ARL3: variants seen among roughly 807,000 people sequenced by gnomAD.
ARL3 encodes ADP-ribosylation factor-like protein 3.
ARL3 carries 9 observed loss-of-function variants against 26.0 expected under a neutral mutation model. That is an observed-to-expected ratio of 0.35 (90% confidence interval 0.21 to 0.60). The LOEUF is 0.60. Ranked by LOEUF, ARL3 falls within the 20% of genes least tolerant of loss-of-function variation. The probability of loss-of-function intolerance (pLI) is 0.78; values close to 1 mark genes in which losing one functional copy is unlikely to be tolerated. For synonymous variants in ARL3, 71 were observed against 78.4 expected (o/e 0.91, Z 0.50); for missense variants, 158 against 215.7 (o/e 0.73, Z 1.67).
chr10:102,699,615 C>G (rs2064268333), intron 2 of ARL3, 126 bp from the exon 3 acceptor site: 1 of 599,438 alleles, frequency 1.7e-6, no homozygotes, highest in African/African-American at 1.9e-5. Context: ...ACTGGTAATG[C>G]TGAAAATGAT....
chr10:102,705,296 A>G, intron 2 of ARL3, 50 bp downstream of exon 2: 1 of 1,506,312 alleles, frequency 6.6e-7, no homozygotes, highest in Non-Finnish European at 9.0e-7. Context: ...TCACATTGCT[A>G]TTATCGTCTT....
intron 2 of ARL3, among the ~76,000 whole-genome samples, chr10:102,700,551 G>A (rs1302080530): frequency 6.6e-6 from 1 of 150,686 alleles, no homozygotes; most frequent in Non-Finnish European, 1.5e-5. Flanking sequence ...TGCAACCTCC[G>A]CCTCCCAAGT....
chr10:102,694,885 A>ATT (rs1260966599), intron 3 of ARL3, among the ~76,000 whole-genome samples: 1 of 152,080 alleles, frequency 6.6e-6, no homozygotes, highest in Non-Finnish European at 1.5e-5. Flanking sequence ...CACCCGGCTA[A>ATT]TTTTTGTATT....
At chr10:102,713,426 T>C (rs1455151128) in intron 1 of ARL3, among the ~76,000 whole-genome samples, 1 of 152,210 alleles carries the variant, frequency 6.6e-6, no homozygotes, top group Non-Finnish European at 1.5e-5. Flanking sequence ...CATTTTTAAC[T>C]TCTCGTTCTT....
At chr10:102,709,857 A>G (rs1008792757) in intron 1 of ARL3, among the ~76,000 whole-genome samples, 20 of 151,796 alleles carry the variant, frequency 1.3e-4, no homozygotes, top group Admixed American at 1.3e-4. Flanking sequence ...ACATGGTGAA[A>G]CCCTGCCTCT....
chr10:102,687,357 G>GATCAGC (rs893836782), intron 4 of ARL3, among the ~76,000 whole-genome samples: 15 of 151,430 alleles, frequency 9.9e-5, no homozygotes, highest in African/African-American at 2.4e-4. Flanking sequence ...TTAGCCTCCT[G>GATCAGC]ATCAGCTAGC....
At chr10:102,690,295 CT>C (rs34924011) in intron 3 of ARL3, among the ~76,000 whole-genome samples, 33,286 of 123,400 alleles carry the variant, frequency 0.27, 3,175 homozygotes, top group East Asian at 0.42. Context: ...CACTATTTTC[CT>C]TTTTTTTTTT....
chr10:102,712,147 T>C (rs1167123057), intron 1 of ARL3, among the ~76,000 whole-genome samples: 2 of 152,176 alleles, frequency 1.3e-5, no homozygotes, highest in African/African-American at 4.8e-5. Flanking sequence ...AGGGGTAAAA[T>C]AGCTGACTCT....
chr10:102,698,200 CT>C lies in ARL3; in HGVS notation c.264+1172del, dbSNP rs917444147. On this transcript the variant is annotated intron_variant, in intron 3 of 5. Transcript: ENST00000260746. Reference sequence around the variant, plus strand: ...AGCTGTTTGAGATGCAAGATGATTTCTTTTTTTTTTTCTTGTCTTGAGACAG... The same window carrying C: ...AGCTGTTTGAGATGCAAGATGATTTCTTTTTTTTTTCTTGTCTTGAGACAG... Among the ~76,000 whole-genome samples the C allele has an allele frequency of 3.4e-4, 50 of 147,422 alleles. 1 individual carries two copies. Among genetic ancestry groups the C allele is most frequent in the Middle Eastern group, 3.5e-3 (1 of 288 alleles).
intron 4 of ARL3, among the ~76,000 whole-genome samples, chr10:102,688,213 C>T (rs1393586033): frequency 6.6e-6 from 1 of 152,098 alleles, no homozygotes; most frequent in Non-Finnish European, 1.5e-5. Context: ...TCATTAAATC[C>T]ACATTTTAGC....
At chr10:102,702,306 T>C (rs1010927343) in intron 2 of ARL3, among the ~76,000 whole-genome samples, 5 of 152,290 alleles carry the variant, frequency 3.3e-5, no homozygotes, top group South Asian at 4.1e-4. Context: ...AAAAACTTGA[T>C]ACATTCCTAA....
chr10:102,683,544 T>G (rs1289651504), intron 5 of ARL3, among the ~76,000 whole-genome samples: 1 of 152,220 alleles, frequency 6.6e-6, no homozygotes, highest in Non-Finnish European at 1.5e-5. Flanking sequence ...TCTCTCTTGA[T>G]ATCATTTCCT....
intron 2 of ARL3, 24 bp downstream of exon 2, chr10:102,705,322 A>C (rs1437577765): frequency 1.0e-5 from 16 of 1,533,370 alleles, no homozygotes; most frequent in Non-Finnish European, 1.4e-5. Context: ...GTCACACGGC[A>C]TCTGGAGCCA....
chr10:102,678,154 C>T (rs577418355), intron 5 of ARL3, among the ~76,000 whole-genome samples: 10 of 152,322 alleles, frequency 6.6e-5, no homozygotes, highest in African/African-American at 2.4e-4. Context: ...AATCTGACGG[C>T]TGTCCCAGAG....
chr10:102,683,702 T>C (rs912412878), intron 5 of ARL3, among the ~76,000 whole-genome samples: 1 of 152,108 alleles, frequency 6.6e-6, no homozygotes, highest in Non-Finnish European at 1.5e-5. Flanking sequence ...AGCTGCCTAG[T>C]AGCTTGCTGC....
At chr10:102,695,254 T>C (rs1590124103) in intron 3 of ARL3, among the ~76,000 whole-genome samples, 2 of 152,372 alleles carry the variant, frequency 1.3e-5, no homozygotes, top group East Asian at 1.9e-4. Context: ...TGAGTTTTCC[T>C]ATCCATGAGC....
At chr10:102,709,156 A>C (rs1219111833) in intron 1 of ARL3, among the ~76,000 whole-genome samples, 1 of 151,660 alleles carries the variant, frequency 6.6e-6, no homozygotes, top group Non-Finnish European at 1.5e-5. Flanking sequence ...TCTGCCCGTG[A>C]CGGCCTCCCA....
At chr10:102,692,750 C>A (rs1402083652) in intron 3 of ARL3, among the ~76,000 whole-genome samples, 2 of 152,028 alleles carry the variant, frequency 1.3e-5, no homozygotes, top group East Asian at 3.8e-4. Flanking sequence ...GCTCTGTCAC[C>A]CAGGCTGGAG....
At chr10:102,688,651 G>T (rs2064200439) in intron 4 of ARL3, among the ~76,000 whole-genome samples, 1 of 151,914 alleles carries the variant, frequency 6.6e-6, no homozygotes, top group Admixed American at 6.6e-5. Flanking sequence ...ACAGGCACGT[G>T]CCACCACACC....
Sources: allele counts gnomAD v4.1 joint callset (sites outside exome capture counted in the v4.1 genomes callset), GRCh38; gene constraint gnomAD v4.1.1; transcripts MANE v1.5; gene names NCBI Gene and HGNC (gene_info 2026-07-23, HGNC 2026-07-21).